Variants in EXOC6B observed in about 807,000 individuals in gnomAD.
The protein encoded by EXOC6B is SEC15 homolog B.
Under a neutral mutation model 113.5 loss-of-function variants are expected in EXOC6B, and 54 were observed. The ratio of observed to expected loss-of-function variants is 0.48; its 90% CI spans 0.38 to 0.60. The LOEUF is 0.60. Ranked by LOEUF, EXOC6B falls within the 20% of genes least tolerant of loss-of-function variation. The pLI, the probability that EXOC6B is intolerant of heterozygous loss-of-function variation, is 0.00. For synonymous variants in EXOC6B, 357 were observed against 339.0 expected, an observed-to-expected ratio of 1.05 and a Z score of -0.58; for missense variants, 797 against 977.5, an observed-to-expected ratio of 0.82 and a Z score of 2.46.
At chr2:72,818,311 ATTT>A (rs1183950982) in intron 1 of EXOC6B, among the ~76,000 whole-genome samples, 5 of 117,838 alleles carry the variant, frequency 4.2e-5, no homozygotes, top group African/African-American at 1.7e-4. Context: ...GGCCCAGCTA[ATTT>A]TTTTTTTTTT....
intron 8 of EXOC6B, among the ~76,000 whole-genome samples, chr2:72,535,910 G>C (rs1287676263): frequency 6.6e-6 from 1 of 151,660 alleles, no homozygotes; most frequent in Non-Finnish European, 1.5e-5. Context: ...TCTTCCACCA[G>C]TGTTTTATGG....
At chr2:72,725,085 G>A (rs926467747) in intron 5 of EXOC6B, among the ~76,000 whole-genome samples, 6 of 152,130 alleles carry the variant, frequency 3.9e-5, no homozygotes, top group Non-Finnish European at 5.9e-5. Context: ...CAAACCACAA[G>A]CAGGATAAAT....
chr2:72,601,923 G>C (rs1171164225), intron 6 of EXOC6B, among the ~76,000 whole-genome samples: 1 of 152,214 alleles, frequency 6.6e-6, no homozygotes, highest in Non-Finnish European at 1.5e-5. Flanking sequence ...TTGAAGGCTA[G>C]ATACTGTATG....
chr2:72,329,066 C>T (rs1688290898), intron 20 of EXOC6B, among the ~76,000 whole-genome samples: 1 of 152,092 alleles, frequency 6.6e-6, no homozygotes, highest in South Asian at 2.1e-4. Flanking sequence ...GACAACATTA[C>T]TGGTCCGTAC....
chr2:72,535,870 CAAAAAA>C (rs35608008), intron 8 of EXOC6B, among the ~76,000 whole-genome samples: 1 of 131,506 alleles, frequency 7.6e-6, no homozygotes, highest in African/African-American at 3.2e-5. Context: ...AATTCTGTCT[CAAAAAA>C]AAAAAAAAAA....
intron 1 of EXOC6B, among the ~76,000 whole-genome samples, chr2:72,770,269 A>AAGTAGAATATAGAGATAG (rs1349215231): frequency 6.6e-6 from 1 of 152,116 alleles, no homozygotes; most frequent in Non-Finnish European, 1.5e-5. Flanking sequence ...TAAGAAAAAA[A>AAGTAGAATATAGAGATAG]AGAGAGAAGA....
intron 17 of EXOC6B, among the ~76,000 whole-genome samples, chr2:72,466,344 C>CAAAAAAAAAAA (rs551509210): frequency 1.2e-5 from 1 of 82,310 alleles, no homozygotes; most frequent in Non-Finnish European, 2.3e-5. Flanking sequence ...GACTCCACCT[C>CAAAAAAAAAAA]AAAAAAAAAA....
chr2:72,216,029 G>GA (rs1039843312), intron 20 of EXOC6B, among the ~76,000 whole-genome samples: 2 of 151,988 alleles, frequency 1.3e-5, no homozygotes, highest in African/African-American at 4.8e-5. Context: ...GAGAAAGACA[G>GA]AAAAAGGAAC....
intron 20 of EXOC6B, among the ~76,000 whole-genome samples, chr2:72,327,538 T>C (rs1482357711): frequency 6.6e-6 from 1 of 152,136 alleles, no homozygotes; most frequent in Non-Finnish European, 1.5e-5. Context: ...AAACATGCTA[T>C]GATGCCACTT....
chr2:72,467,744 G>T (rs773182669), intron 17 of EXOC6B, among the ~76,000 whole-genome samples: 1 of 151,612 alleles, frequency 6.6e-6, no homozygotes, highest in African/African-American at 2.4e-5. Context: ...CAGCTGTATC[G>T]TTTGCAAATA....
intron 6 of EXOC6B, among the ~76,000 whole-genome samples, chr2:72,672,611 G>A (rs1318287065): frequency 1.3e-5 from 2 of 151,768 alleles, no homozygotes; most frequent in Admixed American, 6.6e-5. Flanking sequence ...TATACACAAT[G>A]GAATACTACT....
intron 19 of EXOC6B, among the ~76,000 whole-genome samples, chr2:72,337,744 G>A (rs948995191): frequency 2.0e-5 from 3 of 152,140 alleles, no homozygotes; most frequent in Non-Finnish European, 2.9e-5. Context: ...ATAGTTTATG[G>A]AAATGTTTAA....
intron 5 of EXOC6B, among the ~76,000 whole-genome samples, chr2:72,725,341 CA>C (rs1384911704): frequency 5.9e-5 from 9 of 151,940 alleles, no homozygotes. Context: ...TGAAGGTAAA[CA>C]ATGAGATACT....
chr2:72,484,147 T>C (rs1699278534), intron 16 of EXOC6B, among the ~76,000 whole-genome samples: 1 of 152,056 alleles, frequency 6.6e-6, no homozygotes, highest in African/African-American at 2.4e-5. Flanking sequence ...AATTTCTTTT[T>C]TTTTTTTTTC....
At chr2:72,332,938 C>G (rs1456250285) in intron 20 of EXOC6B, among the ~76,000 whole-genome samples, 1 of 151,960 alleles carries the variant, frequency 6.6e-6, no homozygotes, top group African/African-American at 2.4e-5. Context: ...ATTTTTTTCA[C>G]AATCACTCAA....
At position 72,826,031 on chromosome 2, in the gene EXOC6B, G is replaced by C; in HGVS notation, c.-121C>G. On this transcript the variant is annotated 5_prime_UTR_variant, in exon 1 of 22. Transcript: ENST00000272427. Reference sequence around the variant, plus strand: ...CCCAGCCTCTGGCTACCCGCAGGCCGACCCCTCCCTCAGGCTCGACACGCC... The same window carrying C: ...CCCAGCCTCTGGCTACCCGCAGGCCCACCCCTCCCTCAGGCTCGACACGCC... 1 of 1,466,924 alleles carries C rather than the reference G, an allele frequency of 6.8e-7. No homozygotes were observed. Among genetic ancestry groups the C allele is most frequent in the Non-Finnish European group, 9.0e-7 (1 of 1,105,208 alleles). 90.9% of individuals were successfully genotyped at this position (1,466,924 alleles called of 1,614,324 possible). A position where few individuals can be genotyped will look rare whatever the true frequency, so the allele number is the denominator to read the frequency against.
At chr2:72,601,116 GTGTGTGTA>G (rs1376691574) in intron 6 of EXOC6B, among the ~76,000 whole-genome samples, 1,462 of 118,624 alleles carry the variant, frequency 0.012, 17 homozygotes, top group Admixed American at 0.038. Context: ...ATATATATGT[GTGTGTGTA>G]TGTGTGTGTG....
chr2:72,684,179 G>A (rs762250614), intron 6 of EXOC6B, among the ~76,000 whole-genome samples: 10 of 151,992 alleles, frequency 6.6e-5, no homozygotes, highest in African/African-American at 1.5e-4. Flanking sequence ...TACCCGCCTC[G>A]GCCTCTCAAA....
At chr2:72,360,326 G>A (rs1014500914) in intron 19 of EXOC6B, among the ~76,000 whole-genome samples, 10 of 151,606 alleles carry the variant, frequency 6.6e-5, no homozygotes, top group African/African-American at 2.4e-4. Context: ...GAGCTCAAAT[G>A]ATCTGCCCAC....
Sources: gnomAD v4.1 joint callset for allele counts (sites outside exome capture counted in the v4.1 genomes callset) on GRCh38, gnomAD v4.1.1 for gene constraint, MANE v1.5 for transcripts, NCBI Gene and HGNC (gene_info 2026-07-23, HGNC 2026-07-21) for gene names.